WWOX: variants seen among roughly 807,000 people sequenced by gnomAD.
The protein encoded by WWOX is WW domain containing oxidoreductase, also known as WW domain-containing oxidoreductase.
Under a neutral mutation model 46.2 loss-of-function variants are expected in WWOX, and 69 were observed. That is an observed-to-expected ratio of 1.49 (90% CI 1.23 to 1.82). The LOEUF is 1.82. Ranked by LOEUF, WWOX falls within the 40% of genes most tolerant of loss-of-function variation. The probability of loss-of-function intolerance (pLI) is 0.00; values close to 1 mark genes in which losing one functional copy is unlikely to be tolerated. For missense variants in WWOX, 919 were observed against 542.6 expected (o/e 1.69, Z -6.89); for synonymous variants, 359 against 202.6 (o/e 1.77, Z -6.56).
intron 8 of WWOX, among the ~76,000 whole-genome samples, chr16:78,914,213 A>G (rs1037880669): frequency 3.9e-5 from 6 of 151,924 alleles, no homozygotes; most frequent in Non-Finnish European, 1.5e-5. Flanking sequence ...TCACTATCTG[A>G]TATTTTCTGT....
chr16:78,641,692 G>C (rs965000386), intron 8 of WWOX, among the ~76,000 whole-genome samples: 4 of 152,146 alleles, frequency 2.6e-5, no homozygotes, highest in African/African-American at 9.7e-5. Context: ...GTGACTCCGG[G>C]AATGCCTAGG....
chr16:78,329,511 T>A lies in WWOX; in HGVS notation c.517-57349T>A, dbSNP rs118088677. Among the ~76,000 whole-genome samples, 191 of 152,308 alleles carry A rather than the reference T, an allele frequency of 1.3e-3. 1 individual carries two copies. The East Asian group carries it at 0.026, about 21-fold the overall frequency. On this transcript the variant is annotated intron_variant, in intron 5 of 8. Transcript: ENST00000566780. ...GGCAAATGTGACCTACCTTTGTAGTTCTTGGGTAGGTGTGTGACTGTGGCC... is the reference window on the plus strand; with the variant it reads ...GGCAAATGTGACCTACCTTTGTAGTACTTGGGTAGGTGTGTGACTGTGGCC...
intron 8 of WWOX, among the ~76,000 whole-genome samples, chr16:78,975,978 T>C (rs1640386875): frequency 6.6e-6 from 1 of 152,196 alleles, no homozygotes; most frequent in African/African-American, 2.4e-5. Flanking sequence ...TTGCCGGTGC[T>C]TGGAAACCTT....
At chr16:78,897,566 G>A (rs1027956245) in intron 8 of WWOX, 2 of 152,108 alleles carry the variant, frequency 1.3e-5, no homozygotes, top group Non-Finnish European at 2.9e-5. Context: ...TCGCTTATCT[G>A]TGCACCTGTT....
chr16:78,210,691 C>G (rs1181326084), intron 5 of WWOX, among the ~76,000 whole-genome samples: 1 of 152,120 alleles, frequency 6.6e-6, no homozygotes, highest in African/African-American at 2.4e-5. Flanking sequence ...ATTAGATTTC[C>G]CCTGTTTTTC....
intron 8 of WWOX, among the ~76,000 whole-genome samples, chr16:78,508,494 G>T (rs536067768): frequency 1.9e-4 from 29 of 152,078 alleles, no homozygotes; most frequent in Non-Finnish European, 4.0e-4. Context: ...TTGCTCTGCA[G>T]AACAGGGTTG....
intron 8 of WWOX, among the ~76,000 whole-genome samples, chr16:78,966,255 G>A (rs1487673081): frequency 6.6e-6 from 1 of 152,182 alleles, no homozygotes; most frequent in Non-Finnish European, 1.5e-5. Flanking sequence ...AGGTTAAGAG[G>A]AGATAACAGA....
At chr16:78,651,288 G>A (rs1435513620) in intron 8 of WWOX, among the ~76,000 whole-genome samples, 5 of 152,238 alleles carry the variant, frequency 3.3e-5, no homozygotes, top group Non-Finnish European at 5.9e-5. Flanking sequence ...GAGTGCGAGC[G>A]AGAGAGCCCT....
At chr16:78,445,879 G>C (rs1274586077) in intron 8 of WWOX, among the ~76,000 whole-genome samples, 1 of 150,464 alleles carries the variant, frequency 6.6e-6, no homozygotes, top group African/African-American at 2.4e-5. Context: ...CTCTGTCTTG[G>C]GGCGGGGGGC....
intron 8 of WWOX, among the ~76,000 whole-genome samples, chr16:78,495,642 G>C (rs55812115): frequency 9.6e-4 from 145 of 151,668 alleles, no homozygotes; most frequent in Non-Finnish European, 1.6e-3. Context: ...CCGAGTAGCT[G>C]GGACTACAGG....
chr16:78,985,129 A>G (rs1173530900), intron 8 of WWOX, among the ~76,000 whole-genome samples: 3 of 152,176 alleles, frequency 2.0e-5, no homozygotes, highest in Non-Finnish European at 2.9e-5. Context: ...TTCCATCTGA[A>G]TTGCAGATGG....
Position 78,923,794 on chromosome 16 carries a change from G to GTTTTTT in WWOX, c.1057-287796_1057-287791dup, listed in dbSNP as rs56852814. ...GATTGCTAGGAACTGTTTTTAGTTA[G>GTTTTTT]TTTTTTTTTTTTTTTTTTTTTTTCA... On this transcript the variant is annotated intron_variant, in intron 8 of 8. Transcript: ENST00000566780. Among the ~76,000 whole-genome samples the GTTTTTT allele has an allele frequency of 2.6e-4, 27 of 102,154 alleles. 1 individual carries two copies. Among genetic ancestry groups the GTTTTTT allele is most frequent in the African/African-American group, 6.8e-4 (15 of 22,008 alleles). The allele number at this position is 102,154 out of a possible 152,430, so 67.0% of individuals were successfully genotyped here. A position where few individuals can be genotyped will look rare whatever the true frequency, so the allele number is the denominator to read the frequency against.
chr16:78,837,333 T>G (rs756989413), intron 8 of WWOX, among the ~76,000 whole-genome samples: 9 of 152,216 alleles, frequency 5.9e-5, no homozygotes, highest in Non-Finnish European at 1.3e-4. Context: ...CAGTGACTCC[T>G]TTATTCCCTA....
At chr16:78,785,992 C>T (rs1050397271) in intron 8 of WWOX, among the ~76,000 whole-genome samples, 3 of 152,172 alleles carry the variant, frequency 2.0e-5, no homozygotes, top group Admixed American at 6.5e-5. Context: ...CCGCAACCTC[C>T]GCCTCCTGGG....
At chr16:78,525,319 G>A (rs1487279952) in intron 8 of WWOX, 1 of 151,450 alleles carries the variant, frequency 6.6e-6, no homozygotes, top group Admixed American at 6.6e-5. Context: ...CTGAGTAGCT[G>A]GGACTGCAGG....
intron 8 of WWOX, among the ~76,000 whole-genome samples, chr16:79,152,931 G>T (rs1020510369): frequency 1.3e-5 from 2 of 152,118 alleles, no homozygotes; most frequent in South Asian, 4.1e-4. Context: ...TCTAGGAGAC[G>T]GTGGAAAGAG....
At chr16:78,836,942 T>G (rs966716209) in intron 8 of WWOX, among the ~76,000 whole-genome samples, 1 of 152,006 alleles carries the variant, frequency 6.6e-6, no homozygotes, top group Non-Finnish European at 1.5e-5. Flanking sequence ...ATATGAGAGA[T>G]GGAAGGTCAA....
At chr16:78,869,700 G>T (rs1377983314) in intron 8 of WWOX, among the ~76,000 whole-genome samples, 1 of 152,214 alleles carries the variant, frequency 6.6e-6, no homozygotes, top group African/African-American at 2.4e-5. Context: ...CGCCCACTCT[G>T]ATTTAGATGA....
intron 4 of WWOX, among the ~76,000 whole-genome samples, chr16:78,150,256 A>C (rs77157180): frequency 6.6e-6 from 1 of 152,180 alleles, no homozygotes; most frequent in South Asian, 2.1e-4. Context: ...GAAGCGGTAC[A>C]TAGGGCCAGG....
Sources: allele counts gnomAD v4.1 joint callset (sites outside exome capture counted in the v4.1 genomes callset), GRCh38; gene constraint gnomAD v4.1.1; transcripts MANE v1.5; gene names NCBI Gene and HGNC (gene_info 2026-07-23, HGNC 2026-07-21).